The following ATIC variants were observed in gnomAD, a reference collection of about 807,000 sequenced individuals.
ATIC encodes the protein 5-aminoimidazole-4-carboxamide ribonucleotide formyltransferase/IMP cyclohydrolase, also known as bifunctional purine biosynthesis protein ATIC.
In ATIC, 64 loss-of-function variants were observed where a neutral mutation model predicts 72.5. The observed-to-expected ratio is 0.88, with a 90% CI of 0.72 to 1.09. The LOEUF (loss-of-function observed/expected upper bound fraction) is 1.09, where lower values mean the gene tolerates loss of function less well. Among genes scored for constraint, ATIC ranks in the 50% least tolerant of loss-of-function variants. The probability of loss-of-function intolerance (pLI) is 0.00; values close to 1 mark genes in which losing one functional copy is unlikely to be tolerated. For synonymous variants in ATIC, 281 were observed against 267.1 expected, an observed-to-expected ratio of 1.05 and a Z score of -0.51; for missense variants, 787 against 732.4, an observed-to-expected ratio of 1.07 and a Z score of -0.86.
chr2:215,335,017 T>A lies in ATIC; in HGVS notation c.1008+13T>A, dbSNP rs775968101. On this transcript the variant is annotated intron_variant, in intron 10 of 15. Coordinates refer to ENST00000236959, the MANE Select transcript of ATIC (RefSeq NM_004044.7). ...TATTTCCAGAGAAGTTAGTGGACAT[T>A]CATGTATCTTAATCTGTGTGTTGAA... The A allele has an allele frequency of 1.9e-6, 3 of 1,588,194 alleles. No homozygotes were observed. The highest frequency in any genetic ancestry group is 1.7e-4 in the Middle Eastern group (1 of 5,990).
At chr2:215,329,045 G>C (rs1449418888) in intron 7 of ATIC, among the ~76,000 whole-genome samples, 1 of 152,188 alleles carries the variant, frequency 6.6e-6, no homozygotes, top group East Asian at 1.9e-4. Context: ...AGCAGAAGCT[G>C]CATCTGTTTT....
chr2:215,339,684 G>C (rs1164629057), intron 12 of ATIC, among the ~76,000 whole-genome samples: 2 of 151,978 alleles, frequency 1.3e-5, no homozygotes, highest in Non-Finnish European at 2.9e-5. Context: ...ACCCAGGCTG[G>C]AGTGCAGTGG....
At chr2:215,365,395 T>G in the ATIC span, 6 of 1,173,976 alleles carry the variant, frequency 5.1e-6, no homozygotes, top group Non-Finnish European at 7.7e-6. Context: ...CACTGTTCAC[T>G]CCTCAAGGAG....
At chr2:215,317,334 A>G (rs1023825755) in intron 2 of ATIC, among the ~76,000 whole-genome samples, 1 of 152,174 alleles carries the variant, frequency 6.6e-6, no homozygotes, top group African/African-American at 2.4e-5. Flanking sequence ...TCACATATTT[A>G]ATTTTGCTAC....
At chr2:215,349,481 GT>G in intron 15 of ATIC, 54 bp from the exon 16 acceptor site, 1 of 1,613,150 alleles carries the variant, frequency 6.2e-7, no homozygotes, top group Non-Finnish European at 8.5e-7. Context: ...GGGATTTTGA[GT>G]TTTGCAGGTT....
At chr2:215,333,631 T>A (rs1272300501) in intron 9 of ATIC, among the ~76,000 whole-genome samples, 174 bp downstream of exon 9, 2 of 152,166 alleles carry the variant, frequency 1.3e-5, no homozygotes, top group African/African-American at 4.8e-5. Context: ...TATAATATAG[T>A]TTGATTAAAG....
intron 11 of ATIC, 128 bp from the exon 12 acceptor site, chr2:215,338,651 A>T: frequency 1.0e-6 from 1 of 997,144 alleles, no homozygotes; most frequent in Non-Finnish European, 1.4e-6. Flanking sequence ...TTAGAAAATT[A>T]GAAAACTGTA....
At chr2:215,323,471 T>C (rs2052791569) in intron 4 of ATIC, among the ~76,000 whole-genome samples, 2 of 152,258 alleles carry the variant, frequency 1.3e-5, no homozygotes, top group Non-Finnish European at 2.9e-5. Context: ...AACATTGTCT[T>C]GTGAAGTAGA....
At chr2:215,343,613 G>A (rs1204280073) in intron 12 of ATIC, among the ~76,000 whole-genome samples, 3 of 152,200 alleles carry the variant, frequency 2.0e-5, no homozygotes, top group Admixed American at 6.5e-5. Context: ...TAGGATTACA[G>A]GCATGTGCCA....
Position 215,343,206 on chromosome 2 carries a change from T to G in ATIC, c.1228-1573T>G, listed in dbSNP as rs79479210. Among the ~76,000 whole-genome samples the G allele has an allele frequency of 5.1e-3, 776 of 152,274 alleles. 6 individuals carry two copies. Among genetic ancestry groups the G allele is most frequent in the African/African-American group, 0.018 (742 of 41,562 alleles). ...GGATAGTTGTGTAGCAATCTCTCAC[T>G]GATTTTAATTTGCATAATAGCTCAT... On this transcript the variant is annotated intron_variant, in intron 12 of 15. Coordinates refer to ENST00000236959, the MANE Select transcript of ATIC (RefSeq NM_004044.7).
rs547381666 is a variant in ATIC at position 215,346,748 on chromosome 2, G to T, written c.1321-11G>T. The T allele has an allele frequency of 1.1e-5, 17 of 1,613,876 alleles. No homozygotes were observed. The African/African-American group carries it at 2.0e-4, about 19-fold the overall frequency. On this transcript the variant is annotated splice_polypyrimidine_tract_variant and intron_variant, in intron 13 of 15. Transcript: ENST00000236959. Reference sequence around the variant, plus strand: ...GGAAGAGGTGTTCACTTTAATGTCTGTGTTCCTCAGGTTATCGGCATTGGA... The same window carrying T: ...GGAAGAGGTGTTCACTTTAATGTCTTTGTTCCTCAGGTTATCGGCATTGGA...
downstream of ATIC, among the ~76,000 whole-genome samples, chr2:215,353,311 C>A (rs1324661018): frequency 2.6e-5 from 4 of 152,068 alleles, no homozygotes; most frequent in African/African-American, 4.8e-5. Flanking sequence ...AAGCTAAAAG[C>A]TTTAACTCCC....
At chr2:215,337,441 A>G (rs897227658) in intron 11 of ATIC, among the ~76,000 whole-genome samples, 4 of 152,084 alleles carry the variant, frequency 2.6e-5, no homozygotes, top group African/African-American at 9.7e-5. Flanking sequence ...ATCTTGGCTC[A>G]CTGCAACCTC....
chr2:215,329,770 C>CA (rs71399194), intron 7 of ATIC, among the ~76,000 whole-genome samples: 1 of 149,464 alleles, frequency 6.7e-6, no homozygotes, highest in Non-Finnish European at 1.5e-5. Context: ...ACCGGATACT[C>CA]TTTTTTTTTT....
the ATIC span, chr2:215,365,526 C>CTT: frequency 6.2e-7 from 1 of 1,614,052 alleles, no homozygotes; most frequent in Non-Finnish European, 8.5e-7. Flanking sequence ...TTGAATTCTC[C>CTT]TTTTCCGTTC....
chr2:215,312,290 C>T, intron 1 of ATIC, 129 bp downstream of exon 1: 4 of 1,444,576 alleles, frequency 2.8e-6, no homozygotes, highest in African/African-American at 1.4e-5. Flanking sequence ...AGCGTCCCCG[C>T]TCCCCGGCCG....
downstream of ATIC, among the ~76,000 whole-genome samples, chr2:215,354,553 A>G (rs1371723647): frequency 4.6e-5 from 7 of 151,696 alleles, no homozygotes; most frequent in Admixed American, 6.6e-5. Context: ...TATATTTTAT[A>G]TTTCATTTTC....
At chr2:215,324,696 T>G (rs1294604130) in intron 4 of ATIC, among the ~76,000 whole-genome samples, 1 of 152,214 alleles carries the variant, frequency 6.6e-6, no homozygotes, top group Admixed American at 6.6e-5. Context: ...TTTAGATTAC[T>G]TCTGTATTTT....
chr2:215,344,391 A>G (rs1470873308), intron 12 of ATIC, among the ~76,000 whole-genome samples: 1 of 152,128 alleles, frequency 6.6e-6, no homozygotes, highest in Non-Finnish European at 1.5e-5. Flanking sequence ...AAATAGAACT[A>G]AGAAACTTAA....
Sources: allele counts gnomAD v4.1 joint callset (sites outside exome capture counted in the v4.1 genomes callset), GRCh38; gene constraint gnomAD v4.1.1; transcripts MANE v1.5; gene names NCBI Gene and HGNC (gene_info 2026-07-23, HGNC 2026-07-21).